The following ZC3H13 variants were observed in gnomAD, a reference collection of about 807,000 sequenced individuals.
The protein encoded by ZC3H13 is zinc finger CCCH domain-containing protein 13.
A neutral mutation model predicts 204.1 loss-of-function variants in ZC3H13; 64 were observed. That is an observed-to-expected ratio of 0.31 (90% CI 0.26 to 0.39). ZC3H13 has a LOEUF of 0.39. Ranked by LOEUF, ZC3H13 falls within the 10% of genes least tolerant of loss-of-function variation. ZC3H13 has a pLI of 1.00. For missense variants in ZC3H13, 1,833 were observed against 2,082.7 expected (o/e 0.88, Z 2.33); for synonymous variants, 667 against 693.7 (o/e 0.96, Z 0.60).
chr13:46,033,897 G>A (rs1313243015), intron 4 of ZC3H13, among the ~76,000 whole-genome samples: 8 of 151,994 alleles, frequency 5.3e-5, no homozygotes, highest in Admixed American at 5.2e-4. Flanking sequence ...TGCACACTGG[G>A]AAAACGTATT....
intron 7 of ZC3H13, among the ~76,000 whole-genome samples, chr13:46,005,858 C>T (rs2041103515): frequency 1.3e-5 from 2 of 152,014 alleles, no homozygotes; most frequent in Admixed American, 6.6e-5. Context: ...CTTTGAAAGG[C>T]CAAGGTGGGC....
Position 45,981,969 on chromosome 13 carries a change from GTAACTAACC to G in ZC3H13, c.1721-1974_1721-1966del, listed in dbSNP as rs1953666819. 2.0e-5 allele frequency among the ~76,000 whole-genome samples: 3 copies of G among 151,090 alleles called. No individual in the cohort carries two copies. In the South Asian group the frequency reaches 6.3e-4, roughly 31 times the overall value. ...ACCAGCATGACACATGTATACATAT[GTAACTAACC>G]TGCACATTGTGCACATGTACCCTAA... On this transcript the variant is annotated intron_variant, in intron 10 of 18. Coordinates refer to ENST00000679008, the MANE Select transcript of ZC3H13 (RefSeq NM_001330564.2).
At chr13:46,049,706 ACAC>A (rs762941824) in intron 1 of ZC3H13, among the ~76,000 whole-genome samples, 1 of 152,238 alleles carries the variant, frequency 6.6e-6, no homozygotes, top group Non-Finnish European at 1.5e-5. Context: ...AGGAAAATGA[ACAC>A]CACAACAGTT....
Position 45,963,828 on chromosome 13 carries a change from T to TA in ZC3H13, c.4675+13dup. ...GTTAACAGACATTATATAGTTAAAG[T>TA]AAAATGAAACTACCTTTGGGTTTTT... is the stretch of plus-strand genomic sequence containing the variant. On this transcript the variant is annotated intron_variant, in intron 17 of 18. Transcript: ENST00000679008. 1 of 1,613,632 alleles carries TA rather than the reference T, an allele frequency of 6.2e-7. No homozygotes were observed. Among genetic ancestry groups the TA allele is most frequent in the South Asian group, 1.1e-5 (1 of 91,068 alleles).
chr13:45,962,969 G>C (rs1191382580), intron 17 of ZC3H13: 1 of 985,254 alleles, frequency 1.0e-6, no homozygotes, highest in Non-Finnish European at 1.2e-6. Context: ...TAGATAATCT[G>C]GAATAACTGA....
Position 45,969,710 on chromosome 13 carries a change from T to C in ZC3H13, c.2834A>G (p.Asp945Gly). Residue 945 changes from aspartate to glycine, a missense_variant, in exon 14 of 19, where the codon GAT (aspartate) becomes GGT (glycine). By Grantham distance (94) the Asp-to-Gly change is moderately conservative. Around this residue, in one of 5 missense-constraint regions of ZC3H13, gnomAD observed 1,574 missense variants for 1,757.2 expected, o/e 0.90. Transcript: ENST00000679008. ...ATGAGCTCGATCAGATGTCTCTCGA[T>C]CTTCAGACTGGTGGTGTCCTATAAT... Reference protein sequence around the residue: ...QDIIGHHQSEDRETSDRAHDE... With the variant: ...QDIIGHHQSEGRETSDRAHDE... The C allele has an allele frequency of 6.2e-7, 1 of 1,613,850 alleles. No homozygotes were observed. The highest frequency in any genetic ancestry group is 8.5e-7 in the Non-Finnish European group (1 of 1,180,010).
At position 45,959,558 on chromosome 13, in the gene ZC3H13, A is replaced by G; in HGVS notation, c.4764T>C (p.Asn1588=). Residue 1588 remains asparagine, a synonymous_variant, in exon 18 of 19, where the codon AAT becomes AAC. Coordinates refer to ENST00000679008, the MANE Select transcript of ZC3H13 (RefSeq NM_001330564.2). The part of the protein sequence containing the change: ...RKEERASLLS[N]LGPCCKALCF... Reference sequence around the variant, plus strand: ...ACAACGCCTTACAACATGGGCCAAGATTACTAAGAAGACTTGCTCTTTCTT... The same window carrying G: ...ACAACGCCTTACAACATGGGCCAAGGTTACTAAGAAGACTTGCTCTTTCTT... 6.5e-7 allele frequency: 1 copy of G among 1,549,422 alleles called. No individual in the cohort carries two copies. The highest frequency in any genetic ancestry group is 1.2e-5 in the South Asian group (1 of 83,900).
At chr13:46,047,056 C>G (rs1029649530) in intron 1 of ZC3H13, among the ~76,000 whole-genome samples, 1 of 152,006 alleles carries the variant, frequency 6.6e-6, no homozygotes, top group Non-Finnish European at 1.5e-5. Context: ...AATGTGGTTT[C>G]AAAGTAAAGA....
chr13:46,029,232 G>A (rs1226722942), intron 4 of ZC3H13, among the ~76,000 whole-genome samples: 1 of 151,876 alleles, frequency 6.6e-6, no homozygotes, highest in Non-Finnish European at 1.5e-5. Flanking sequence ...AAAAATACAA[G>A]GTGCCAAAAC....
rs143461574 is a variant in ZC3H13 at position 45,963,983 on chromosome 13, G to A, written c.4534C>T (p.Pro1512Ser). The A allele has an allele frequency of 5.0e-6, 8 of 1,614,110 alleles. No individual in the cohort carries two copies. The South Asian group carries it at 8.8e-5, about 18-fold the overall frequency. ...AAGAGTGCAGCCCCAGGCTCTCGTG[G>A]TTCTTTTGGATGCTTTGGCATAAGA... ...SGLMPKHPKE[P>S]REPGAALLKF... Residue 1512 changes from proline to serine, a missense_variant, in exon 17 of 19, where the codon CCA becomes TCA. Physicochemically the swap from Pro to Ser is moderately conservative, Grantham distance 74. Around this residue, in one of 5 missense-constraint regions of ZC3H13, gnomAD observed 211 missense variants for 228.4 expected, o/e 0.92. Coordinates refer to ENST00000679008, the MANE Select transcript of ZC3H13 (RefSeq NM_001330564.2).
intron 10 of ZC3H13, among the ~76,000 whole-genome samples, chr13:45,981,134 A>G (rs528569818): frequency 9.8e-5 from 15 of 152,344 alleles, no homozygotes; most frequent in African/African-American, 3.4e-4. Context: ...GAGAAACAGT[A>G]CTGGGGCTGT....
At chr13:45,998,752 G>A (rs2040525764) in intron 8 of ZC3H13, among the ~76,000 whole-genome samples, 1 of 152,164 alleles carries the variant, frequency 6.6e-6, no homozygotes, top group Non-Finnish European at 1.5e-5. Flanking sequence ...CGTTTTGTGG[G>A]TAAGGGTATT....
intron 4 of ZC3H13, among the ~76,000 whole-genome samples, chr13:46,026,076 A>C (rs1566315172): frequency 6.6e-6 from 1 of 152,080 alleles, no homozygotes; most frequent in Non-Finnish European, 1.5e-5. Flanking sequence ...AGAAACAAAG[A>C]GAGTAATTTA....
At chr13:46,040,553 C>T (rs1047869656) in intron 4 of ZC3H13, among the ~76,000 whole-genome samples, 23 of 151,908 alleles carry the variant, frequency 1.5e-4, no homozygotes, top group African/African-American at 5.1e-4. Context: ...TTAGATGACA[C>T]CAAAAGCACA....
chr13:46,032,698 T>A (rs1348663613), intron 4 of ZC3H13, among the ~76,000 whole-genome samples: 1 of 152,164 alleles, frequency 6.6e-6, no homozygotes, highest in Non-Finnish European at 1.5e-5. Context: ...CAATTGCATA[T>A]ATTCCCTGTA....
At chr13:45,992,853 A>G (rs9534273) in intron 8 of ZC3H13, among the ~76,000 whole-genome samples, 113,901 of 151,896 alleles carry the variant, frequency 0.75, 43,188 homozygotes, top group African/African-American at 0.85. Flanking sequence ...ACGTTGATCT[A>G]CCCTTGCTTC....
chr13:46,029,251 G>C (rs1280578470), intron 4 of ZC3H13, among the ~76,000 whole-genome samples: 1 of 151,896 alleles, frequency 6.6e-6, no homozygotes, highest in Non-Finnish European at 1.5e-5. Flanking sequence ...ACTCACACAA[G>C]GAGAAACAAG....
intron 4 of ZC3H13, among the ~76,000 whole-genome samples, chr13:46,025,180 A>G: frequency 6.6e-6 from 1 of 152,378 alleles, no homozygotes; most frequent in South Asian, 2.1e-4. Flanking sequence ...CATTCAAGTA[A>G]TAATTCCATA....
At chr13:46,017,257 C>T (rs2041966729) in intron 5 of ZC3H13, among the ~76,000 whole-genome samples, 1 of 152,008 alleles carries the variant, frequency 6.6e-6, no homozygotes. Context: ...TCTGAGGATA[C>T]CTAGGAGGTC....
Sources: gnomAD v4.1 joint callset for allele counts (sites outside exome capture counted in the v4.1 genomes callset) on GRCh38, gnomAD v4.1.1 for gene constraint, gnomAD v4.1.1 regional missense constraint, MANE v1.5 for transcripts, NCBI Gene and HGNC (gene_info 2026-07-23, HGNC 2026-07-21) for gene names.